Variants in PCDH15 observed in about 807,000 individuals in gnomAD.
PCDH15 encodes protocadherin-15.
In PCDH15, 129 loss-of-function variants were observed where a neutral mutation model predicts 178.5. The observed-to-expected ratio is 0.72, with a 90% CI of 0.63 to 0.84. PCDH15 has a LOEUF of 0.84. PCDH15 is among the 40% of genes least tolerant of loss of function. The pLI, the probability that PCDH15 is intolerant of heterozygous loss-of-function variation, is 0.00. For synonymous variants in PCDH15, 800 were observed against 732.0 expected, an observed-to-expected ratio of 1.09 and a Z score of -1.50; for missense variants, 2,230 against 2,099.9, an observed-to-expected ratio of 1.06 and a Z score of -1.21.
chr10:55,554,312 T>TA (rs1160313270), intron 2 of PCDH15, among the ~76,000 whole-genome samples: 1 of 152,066 alleles, frequency 6.6e-6, no homozygotes, highest in Non-Finnish European at 1.5e-5. Context: ...ATAAGATGTG[T>TA]AAAAATAGTC....
chr10:54,541,077 C>G (rs1334266136), intron 2 of PCDH15, among the ~76,000 whole-genome samples: 1 of 152,128 alleles, frequency 6.6e-6, no homozygotes, highest in Admixed American at 6.5e-5. Flanking sequence ...AAGCTGGAAC[C>G]ATTCCCCTTA....
At chr10:54,153,804 C>T (rs1462240343) in intron 13 of PCDH15, among the ~76,000 whole-genome samples, 2 of 152,062 alleles carry the variant, frequency 1.3e-5, no homozygotes, top group African/African-American at 4.8e-5. Flanking sequence ...TCTTTGTGTC[C>T]TTTTTGTTTA....
intron 2 of PCDH15, among the ~76,000 whole-genome samples, chr10:55,101,565 G>C (rs1388361490): frequency 6.6e-6 from 1 of 151,682 alleles, no homozygotes; most frequent in East Asian, 1.9e-4. Flanking sequence ...ACTTAAATTT[G>C]TTGTAGTAGG....
At chr10:55,456,330 A>C (rs866285107) in intron 2 of PCDH15, among the ~76,000 whole-genome samples, 3 of 152,234 alleles carry the variant, frequency 2.0e-5, no homozygotes, top group Middle Eastern at 3.4e-3. Flanking sequence ...AAGAAAAGTT[A>C]TCTCTTTGCT....
At chr10:55,495,832 T>C (rs1187912398) in intron 2 of PCDH15, among the ~76,000 whole-genome samples, 1 of 151,880 alleles carries the variant, frequency 6.6e-6, no homozygotes, top group Non-Finnish European at 1.5e-5. Flanking sequence ...AAACAATCCA[T>C]GTGCCTTTCA....
chr10:55,186,099 T>C (rs1173056099), intron 1 of PCDH15, among the ~76,000 whole-genome samples: 1 of 151,660 alleles, frequency 6.6e-6, no homozygotes, highest in Non-Finnish European at 1.5e-5. Context: ...AAACAAATGT[T>C]AGAAGACTGA....
At chr10:53,960,863 C>T (rs1454465246) in intron 22 of PCDH15, among the ~76,000 whole-genome samples, 6 of 152,168 alleles carry the variant, frequency 3.9e-5, no homozygotes, top group African/African-American at 1.4e-4. Flanking sequence ...ACTTTATTCA[C>T]AGTGACAAAA....
intron 8 of PCDH15, among the ~76,000 whole-genome samples, chr10:54,273,544 A>G (rs1302034338): frequency 6.6e-6 from 1 of 152,104 alleles, no homozygotes; most frequent in Non-Finnish European, 1.5e-5. Flanking sequence ...CATAATGAGC[A>G]CAAGAAAACA....
chr10:54,078,454 ATAGAT>A (rs2094380970), intron 17 of PCDH15, among the ~76,000 whole-genome samples: 3 of 152,032 alleles, frequency 2.0e-5, no homozygotes, highest in Admixed American at 2.0e-4. Flanking sequence ...AATGTAGTAT[ATAGAT>A]TAAATAGATC....
intron 2 of PCDH15, among the ~76,000 whole-genome samples, chr10:54,644,797 G>A (rs868584908): frequency 6.6e-6 from 1 of 152,116 alleles, no homozygotes; most frequent in South Asian, 2.1e-4. Flanking sequence ...AAGAGGTTGG[G>A]CCCTTAGGAG....
intron 3 of PCDH15, among the ~76,000 whole-genome samples, chr10:54,426,672 A>T (rs1956303197): frequency 6.6e-6 from 1 of 151,498 alleles, no homozygotes; most frequent in African/African-American, 2.4e-5. Context: ...TTTTTTTTTT[A>T]AATTGAATTT....
At chr10:55,520,854 T>C (rs906964093) in intron 2 of PCDH15, among the ~76,000 whole-genome samples, 1 of 151,972 alleles carries the variant, frequency 6.6e-6, no homozygotes, top group South Asian at 2.1e-4. Flanking sequence ...ATTTAAGGTG[T>C]ATGATGTGAT....
intron 29 of PCDH15, among the ~76,000 whole-genome samples, chr10:53,840,002 C>T (rs2077542661): frequency 6.6e-6 from 1 of 152,164 alleles, no homozygotes; most frequent in Non-Finnish European, 1.5e-5. Context: ...GTGCTTTCCT[C>T]ATTAATAGCC....
intron 2 of PCDH15, among the ~76,000 whole-genome samples, chr10:55,408,837 C>T (rs1459285627): frequency 1.3e-5 from 2 of 152,108 alleles, no homozygotes; most frequent in Admixed American, 1.3e-4. Flanking sequence ...TTATCTAAGT[C>T]ATGGATGATC....
At chr10:54,283,063 T>C (rs1048350747) in intron 8 of PCDH15, among the ~76,000 whole-genome samples, 1 of 152,140 alleles carries the variant, frequency 6.6e-6, no homozygotes, top group Non-Finnish European at 1.5e-5. Context: ...GAGTTGAATG[T>C]GTGCAGACTT....
At chr10:54,200,966 T>TTGTAA (rs1448302880) in intron 10 of PCDH15, among the ~76,000 whole-genome samples, 1 of 152,156 alleles carries the variant, frequency 6.6e-6, no homozygotes. Context: ...ACTGTGTACT[T>TTGTAA]CGTAACACTG....
intron 3 of PCDH15, among the ~76,000 whole-genome samples, chr10:54,397,953 T>G (rs929315296): frequency 6.6e-6 from 1 of 151,994 alleles, no homozygotes; most frequent in African/African-American, 2.4e-5. Flanking sequence ...ATTGCTGAGA[T>G]AGATTTTAGT....
At chr10:54,730,927 A>T (rs1488366344) in intron 1 of PCDH15, among the ~76,000 whole-genome samples, 1 of 151,520 alleles carries the variant, frequency 6.6e-6, no homozygotes, top group East Asian at 1.9e-4. Context: ...ACATTAGGCT[A>T]AAAACCTTCT....
intron 11 of PCDH15, chr10:54,189,286 T>C: frequency 8.3e-7 from 1 of 1,208,678 alleles, no homozygotes; most frequent in South Asian, 1.4e-5. Context: ...CGTGTTTTAG[T>C]GAAGAAAAAA....
Sources: gnomAD v4.1 joint callset for allele counts (sites outside exome capture counted in the v4.1 genomes callset) on GRCh38, gnomAD v4.1.1 for gene constraint, MANE v1.5 for transcripts, NCBI Gene and HGNC (gene_info 2026-07-23, HGNC 2026-07-21) for gene names.